MSLN: variants seen among roughly 807,000 people sequenced by gnomAD.
The protein encoded by MSLN is CAK1 antigen.
A neutral mutation model predicts 72.6 loss-of-function variants in MSLN; 82 were observed. The observed-to-expected ratio is 1.13, with a 90% CI of 0.94 to 1.36. MSLN has a LOEUF of 1.36. MSLN is among the 40% of genes most tolerant of loss of function. MSLN has a pLI of 0.00. For synonymous variants in MSLN, 456 were observed against 387.3 expected, an observed-to-expected ratio of 1.18 and a Z score of -2.08; for missense variants, 1,005 against 847.9, an observed-to-expected ratio of 1.19 and a Z score of -2.30.
intron 2 of MSLN, among the ~76,000 whole-genome samples, chr16:761,559 G>A (rs1184071033): frequency 2.6e-5 from 4 of 152,214 alleles, no homozygotes; most frequent in African/African-American, 4.8e-5. Flanking sequence ...TGATCCGATG[G>A]CCACGTTTCC....
At chr16:761,676 A>C (rs957743005) in intron 2 of MSLN, among the ~76,000 whole-genome samples, 1 of 152,104 alleles carries the variant, frequency 6.6e-6, no homozygotes, top group African/African-American at 2.4e-5. Flanking sequence ...TCAGAGCCTC[A>C]GGGGCCTCCC....
intron 7 of MSLN, 31 bp downstream of exon 7, chr16:764,757 G>T: frequency 1.0e-6 from 1 of 986,990 alleles, no homozygotes. Context: ...CCACCCCCCC[G>T]GCTTTTGCCG....
In MSLN at chr16:765,671, C is replaced by T; in HGVS notation, c.796-20C>T. The stretch of plus-strand genomic sequence containing the variant: ...ATGCCCGGCCACCCGAGGCTCAGCC[C>T]AGGTCCTGCTCGTCCTCAGGGCATC... On this transcript the variant is annotated intron_variant, in intron 10 of 17. Transcript: ENST00000545450. 6.2e-7 allele frequency: 1 copy of T among 1,600,118 alleles called. No individual in the cohort carries two copies. Among genetic ancestry groups the T allele is most frequent in the Non-Finnish European group, 8.5e-7 (1 of 1,178,758 alleles).
chr16:764,756 C>G (rs188946277), intron 7 of MSLN, 30 bp downstream of exon 7: 9 of 1,577,622 alleles, frequency 5.7e-6, no homozygotes, highest in Non-Finnish European at 7.8e-6. Context: ...CCCACCCCCC[C>G]GGCTTTTGCC....
At position 764,635 on chromosome 16, in the gene MSLN, C is replaced by A. The variant is rs777016976; in HGVS notation, c.301-12C>A. On this transcript the variant is annotated splice_polypyrimidine_tract_variant and intron_variant, in intron 6 of 17. Coordinates refer to ENST00000545450, the MANE Select transcript of MSLN (RefSeq NM_005823.6). ...CTCGAAACGCTCTGTGCTGGACTCC[C>A]TGCCCCTGCAGCTGCGCTGTCTGGC... The A allele has an allele frequency of 1.2e-6, 2 of 1,611,640 alleles. 1 individual carries two copies. Among genetic ancestry groups the A allele is most frequent in the South Asian group, 2.2e-5 (2 of 91,058 alleles).
At chr16:761,984 A>G (rs1021949229) in intron 2 of MSLN, among the ~76,000 whole-genome samples, 1 of 152,192 alleles carries the variant, frequency 6.6e-6, no homozygotes, top group Non-Finnish European at 1.5e-5. Context: ...ATTCTTGTTC[A>G]GGGAGGGTCT....
At chr16:763,168 C>T (rs1312568297) in intron 3 of MSLN, 65 bp from the exon 4 acceptor site, 1 of 1,121,874 alleles carries the variant, frequency 8.9e-7, no homozygotes, top group Non-Finnish European at 1.3e-6. Context: ...CTCCTTCCTC[C>T]CCTGGGTCAG....
At chr16:763,577 G>A in intron 4 of MSLN, 65 bp from the exon 5 acceptor site, 1 of 1,479,706 alleles carries the variant, frequency 6.8e-7, no homozygotes. Context: ...AGGGGTAGCG[G>A]GACCTGGGAA....
chr16:764,992 GC>G lies in MSLN; in HGVS notation c.467del (p.Ala156ValfsTer22). 2.5e-6 allele frequency: 4 copies of G among 1,612,286 alleles called. No homozygotes were observed. Among genetic ancestry groups the G allele is most frequent in the South Asian group, 2.2e-5 (2 of 91,046 alleles). ...KANVDLLPRG[A>X]PERQRLLPAA... Reference sequence around the variant, plus strand: ...CAATGTGGACCTGCTCCCGAGGGGGGCTCCCGAGCGACAGCGGCTGCTGCCT... The same window carrying G: ...CAATGTGGACCTGCTCCCGAGGGGGGTCCCGAGCGACAGCGGCTGCTGCCT... On this transcript the variant is annotated frameshift_variant, in exon 8 of 18. Transcript: ENST00000545450. LOFTEE classifies it high-confidence loss of function.
chr16:766,567 G>A lies in MSLN; in HGVS notation c.1230+77G>A, dbSNP rs937504980. ...GGCAGAGTGGGGGACAAAGCCTGAG[G>A]TTGGGCGGGCCTGGGGTCAGGGGCA... On this transcript the variant is annotated intron_variant, in intron 13 of 17. Coordinates refer to ENST00000545450, the MANE Select transcript of MSLN (RefSeq NM_005823.6). 1.2e-5 allele frequency: 19 copies of A among 1,608,794 alleles called. No homozygotes were observed. In the African/African-American group the frequency reaches 2.0e-4, roughly 17 times the overall value.
At chr16:764,768 C>T in intron 7 of MSLN, 42 bp downstream of exon 7, 1 of 1,583,860 alleles carries the variant, frequency 6.3e-7, no homozygotes, top group Middle Eastern at 2.1e-4. Flanking sequence ...GCTTTTGCCG[C>T]CAGCCCTCAG....
rs747495004 is a variant in MSLN at position 763,662 on chromosome 16, A to C, written c.150A>C (p.Gly50=). The change falls in exon 5 of 18, where the codon GGA becomes GGC. Residue 50 remains glycine, a synonymous_variant. Coordinates refer to ENST00000545450, the MANE Select transcript of MSLN (RefSeq NM_005823.6). ...ETGQEAAPLD[G]VLANPPNISS... Reference sequence around the variant, plus strand: ...CCCAGGAGGCTGCGCCCCTGGACGGAGTCCTGGCCAACCCACCTAACATTT... The same window carrying C: ...CCCAGGAGGCTGCGCCCCTGGACGGCGTCCTGGCCAACCCACCTAACATTT... The C allele has an allele frequency of 1.9e-6, 3 of 1,583,712 alleles. No homozygotes were observed. Among genetic ancestry groups the C allele is most frequent in the Non-Finnish European group, 2.6e-6 (3 of 1,165,504 alleles).
chr16:766,414 G>T lies in MSLN; in HGVS notation c.1154G>T (p.Arg385Leu), dbSNP rs150147307. 1.2e-6 allele frequency: 2 copies of T among 1,612,666 alleles called. No homozygotes were observed. Among genetic ancestry groups the T allele is most frequent in the East Asian group, 2.2e-5 (1 of 44,872 alleles). ...LFLKMSPEDI[R>L]KWNVTSLETL... Reference sequence around the variant, plus strand: ...CTCAAGATGAGCCCTGAGGACATTCGCAAGTGGAATGTGACGTCCCTGGAG... The same window carrying T: ...CTCAAGATGAGCCCTGAGGACATTCTCAAGTGGAATGTGACGTCCCTGGAG... The change falls in exon 13 of 18, where the codon CGC (arginine) becomes CTC (leucine). Residue 385 changes from arginine to leucine, a missense_variant. Physicochemically the swap from Arg to Leu is moderately radical, Grantham distance 102. Transcript: ENST00000545450.
intron 11 of MSLN, 43 bp downstream of exon 11, chr16:765,833 C>A: frequency 6.4e-7 from 1 of 1,558,846 alleles, no homozygotes; most frequent in Non-Finnish European, 8.7e-7. Flanking sequence ...GGCTGGGCAG[C>A]ACCCCTGGGG....
At position 765,663 on chromosome 16, in the gene MSLN, G is replaced by T. The variant is rs765172712; in HGVS notation, c.796-28G>T. 1.9e-6 allele frequency: 3 copies of T among 1,598,996 alleles called. No homozygotes were observed. The East Asian group carries it at 6.7e-5, about 36-fold the overall frequency. On this transcript the variant is annotated intron_variant, in intron 10 of 17. Coordinates refer to ENST00000545450, the MANE Select transcript of MSLN (RefSeq NM_005823.6). Reference sequence around the variant, plus strand: ...CCGTGGGGATGCCCGGCCACCCGAGGCTCAGCCCAGGTCCTGCTCGTCCTC... The same window carrying T: ...CCGTGGGGATGCCCGGCCACCCGAGTCTCAGCCCAGGTCCTGCTCGTCCTC...
At chr16:767,265 C>T (rs774632596) in intron 15 of MSLN, 111 bp from the exon 16 acceptor site, 3 of 1,179,998 alleles carry the variant, frequency 2.5e-6, no homozygotes, top group East Asian at 2.3e-5. Flanking sequence ...CCCTGGAATC[C>T]CTAAGGAAAA....
chr16:765,400 TCAC>T (rs1158554540), intron 9 of MSLN, 97 bp downstream of exon 9: 2 of 1,423,622 alleles, frequency 1.4e-6, no homozygotes, highest in East Asian at 5.0e-5. Context: ...CCAGGGTCAG[TCAC>T]CCCCGCCACC....
In MSLN at chr16:768,422, T is replaced by C; in HGVS notation, c.1640T>C (p.Val547Ala). 11 of 1,515,672 alleles carry C rather than the reference T, an allele frequency of 7.3e-6. No homozygotes were observed. Among genetic ancestry groups the C allele is most frequent in the Non-Finnish European group, 9.7e-6 (11 of 1,130,024 alleles). 93.9% of individuals were successfully genotyped at this position (1,515,672 alleles called of 1,614,324 possible). A position where few individuals can be genotyped will look rare whatever the true frequency, so the allele number is the denominator to read the frequency against. Residue 547 changes from valine (V) to alanine (A), a missense_variant, in exon 17 of 18, where the codon GTG becomes GCG. Coordinates refer to ENST00000545450, the MANE Select transcript of MSLN (RefSeq NM_005823.6). ...AEVQKLLGPHVEGLKAEERHR... is the reference protein window; with the variant it reads ...AEVQKLLGPHAEGLKAEERHR... ...GTGCAGAAACTTCTGGGACCCCACG[T>C]GGAGGGCCTGAAGGCGGAGGAGCGG...
rs1285843135 is a variant in MSLN, at chr16:764,685, G to A, written c.339G>A (p.Glu113=). 6.8e-6 allele frequency: 11 copies of A among 1,612,470 alleles called. No individual in the cohort carries two copies. The highest frequency in any genetic ancestry group is 3.3e-5 in the South Asian group (3 of 91,074). The change falls in exon 7 of 18, where the codon GAG becomes GAA. Residue 113 remains glutamate, a synonymous_variant. Transcript: ENST00000545450. The part of the protein sequence containing the change: ...CLAHRLSEPP[E]DLDALPLDLL... ...CTCACCGGCTCTCTGAGCCCCCCGAGGACCTGGACGCCCTCCCATTGGACC... is the reference window on the plus strand; with the variant it reads ...CTCACCGGCTCTCTGAGCCCCCCGAAGACCTGGACGCCCTCCCATTGGACC...
Sources: allele counts gnomAD v4.1 joint callset (sites outside exome capture counted in the v4.1 genomes callset), GRCh38; gene constraint gnomAD v4.1.1; transcripts MANE v1.5; gene names NCBI Gene and HGNC (gene_info 2026-07-23, HGNC 2026-07-21).